BCKDHB: variants seen among roughly 807,000 people sequenced by gnomAD.
The protein encoded by BCKDHB is 2-oxoisovalerate dehydrogenase subunit beta, mitochondrial.
Under a neutral mutation model 48.5 loss-of-function variants are expected in BCKDHB, and 41 were observed. That is an observed-to-expected ratio of 0.85 (90% CI 0.66 to 1.10). The LOEUF (loss-of-function observed/expected upper bound fraction) is 1.10. Ranked by LOEUF, BCKDHB falls within the 50% of genes least tolerant of loss-of-function variation. BCKDHB has a pLI of 0.00. For missense variants in BCKDHB, 496 were observed against 494.2 expected, an observed-to-expected ratio of 1.00 and a Z score of -0.03; for synonymous variants, 201 against 174.8, an observed-to-expected ratio of 1.15 and a Z score of -1.18.
At chr6:80,143,384 A>G (rs1223133415) in intron 3 of BCKDHB, among the ~76,000 whole-genome samples, 1 of 152,152 alleles carries the variant, frequency 6.6e-6, no homozygotes, top group African/African-American at 2.4e-5. Flanking sequence ...TAATGCAGTT[A>G]TAAAGTCACA....
chr6:80,195,626 T>A (rs1774096947), intron 6 of BCKDHB, among the ~76,000 whole-genome samples: 1 of 152,186 alleles, frequency 6.6e-6, no homozygotes. Context: ...ATTTTCTTCC[T>A]AAGAGCTGAT....
intron 6 of BCKDHB, among the ~76,000 whole-genome samples, chr6:80,192,210 A>C (rs1414071173): frequency 2.6e-5 from 4 of 152,182 alleles, no homozygotes. Context: ...CTAATGGTTC[A>C]TACAATAATG....
chr6:80,337,674 A>G (rs1318901509), intron 9 of BCKDHB, among the ~76,000 whole-genome samples: 1 of 151,970 alleles, frequency 6.6e-6, no homozygotes, highest in Non-Finnish European at 1.5e-5. Flanking sequence ...CTCATAGTTA[A>G]GTGTGTTGTG....
intron 6 of BCKDHB, among the ~76,000 whole-genome samples, chr6:80,175,885 C>G (rs565763368): frequency 6.6e-6 from 1 of 152,248 alleles, no homozygotes; most frequent in African/African-American, 2.4e-5. Flanking sequence ...GTGTTTGATG[C>G]TATAACCTGA....
chr6:80,197,324 A>T (rs552606432), intron 6 of BCKDHB, among the ~76,000 whole-genome samples: 1 of 152,214 alleles, frequency 6.6e-6, no homozygotes, highest in Non-Finnish European at 1.5e-5. Context: ...ATTAAAATTA[A>T]TTCTTATTCT....
chr6:80,199,771 C>CA (rs35186066), intron 6 of BCKDHB, among the ~76,000 whole-genome samples: 1,232 of 35,738 alleles, frequency 0.034, 211 homozygotes, highest in Middle Eastern at 0.062. Flanking sequence ...GACTCTGTCT[C>CA]AAAAAAAAAA....
At chr6:80,401,159 C>A in the BCKDHB span, among the ~76,000 whole-genome samples, 1 of 146,978 alleles carries the variant, frequency 6.8e-6, no homozygotes, top group African/African-American at 2.7e-5. Flanking sequence ...CAACAAACCC[C>A]TGTGACATGA....
intron 6 of BCKDHB, among the ~76,000 whole-genome samples, chr6:80,184,174 G>A (rs1376339373): frequency 2.0e-5 from 3 of 152,098 alleles, no homozygotes; most frequent in Non-Finnish European, 4.4e-5. Flanking sequence ...TTTCCTGTTG[G>A]AGTAGTCCTT....
intron 1 of BCKDHB, among the ~76,000 whole-genome samples, chr6:80,113,003 A>G (rs991372482): frequency 6.6e-6 from 1 of 152,198 alleles, no homozygotes; most frequent in Admixed American, 6.5e-5. Flanking sequence ...AGGTGGGTGC[A>G]TTTCTTTTGT....
At chr6:80,129,785 AGTCTTTTCTCT>A in intron 3 of BCKDHB, among the ~76,000 whole-genome samples, 1 of 152,296 alleles carries the variant, frequency 6.6e-6, no homozygotes, top group Admixed American at 6.5e-5. Flanking sequence ...GGGAACCTGC[AGTCTTTTCTCT>A]TAAGGCCTTA....
intron 9 of BCKDHB, among the ~76,000 whole-genome samples, chr6:80,279,752 C>A (rs1349982869): frequency 6.6e-6 from 1 of 152,056 alleles, no homozygotes; most frequent in Admixed American, 6.6e-5. Context: ...ATTAAGTATT[C>A]TGGGGATAGC....
In BCKDHB at chr6:80,107,531, A is replaced by G. The variant is rs1420236079; in HGVS notation, c.196+642A>G. On this transcript the variant is annotated intron_variant, in intron 1 of 9. Transcript: ENST00000320393. ...TATGTGCGCATATATATATATATGCATATATATATATGCACACATATATAT... is the reference window on the plus strand; with the variant it reads ...TATGTGCGCATATATATATATATGCGTATATATATATGCACACATATATAT... 1.4e-4 allele frequency among the ~76,000 whole-genome samples: 17 copies of G among 117,500 alleles called. No homozygotes were observed. In the East Asian group the frequency reaches 3.1e-3, roughly 21 times the overall value. 77.1% of individuals were successfully genotyped at this position (117,500 alleles called of 152,430 possible).
At chr6:80,362,081 C>G in the BCKDHB span, among the ~76,000 whole-genome samples, 4 of 152,184 alleles carry the variant, frequency 2.6e-5, no homozygotes, top group African/African-American at 9.6e-5. Flanking sequence ...CTGACCTGAG[C>G]TTTAGAGAAA....
intron 9 of BCKDHB, among the ~76,000 whole-genome samples, chr6:80,279,815 A>G (rs1051464828): frequency 2.6e-5 from 4 of 152,218 alleles, no homozygotes; most frequent in African/African-American, 9.6e-5. Context: ...AGAGACACTT[A>G]GAGTTTATTA....
chr6:80,463,220 A>G, the BCKDHB span: 1 of 152,222 alleles, frequency 6.6e-6, no homozygotes, highest in African/African-American at 2.4e-5. Context: ...GTGCAAAGTG[A>G]AAAGAGACTT....
intron 1 of BCKDHB, among the ~76,000 whole-genome samples, chr6:80,110,659 A>G (rs533892926): frequency 6.6e-6 from 1 of 152,320 alleles, no homozygotes; most frequent in African/African-American, 2.4e-5. Flanking sequence ...TTCTAGGTCT[A>G]GGACTGAGAA....
intron 8 of BCKDHB, among the ~76,000 whole-genome samples, chr6:80,235,217 C>T (rs1776100014): frequency 6.6e-6 from 1 of 152,176 alleles, no homozygotes; most frequent in Non-Finnish European, 1.5e-5. Context: ...CCCAGTTACC[C>T]TGATTTGATC....
At chr6:80,181,551 GT>G (rs1413044022) in intron 6 of BCKDHB, among the ~76,000 whole-genome samples, 2 of 152,268 alleles carry the variant, frequency 1.3e-5, no homozygotes, top group African/African-American at 4.8e-5. Flanking sequence ...ATAGTCAGTT[GT>G]AGGTCAGGTG....
At chr6:80,149,998 A>G (rs573920081) in intron 3 of BCKDHB, among the ~76,000 whole-genome samples, 13 of 151,418 alleles carry the variant, frequency 8.6e-5, no homozygotes, top group Admixed American at 8.6e-4. Context: ...AAAAAATAGT[A>G]AAGTCCAGTT....
Sources: allele counts gnomAD v4.1 joint callset (sites outside exome capture counted in the v4.1 genomes callset), GRCh38; gene constraint gnomAD v4.1.1; transcripts MANE v1.5; gene names NCBI Gene and HGNC (gene_info 2026-07-23, HGNC 2026-07-21).